GALNT17: variants seen among roughly 807,000 people sequenced by gnomAD.
GALNT17 encodes polypeptide N-acetylgalactosaminyltransferase 17, also known as UDP-GalNAc:polypeptide N-acetylgalactosaminyltransferase-like 3.
In GALNT17, 29 loss-of-function variants were observed where a neutral mutation model predicts 63.7. The observed-to-expected ratio is 0.46, with a 90% confidence interval of 0.34 to 0.62. The LOEUF is 0.62. Ranked by LOEUF, GALNT17 falls within the 20% of genes least tolerant of loss-of-function variation. The pLI is 0.01. For missense variants in GALNT17, 603 were observed against 799.6 expected, an observed-to-expected ratio of 0.75 and a Z score of 2.97; for synonymous variants, 305 against 318.3, an observed-to-expected ratio of 0.96 and a Z score of 0.45.
intron 1 of GALNT17, among the ~76,000 whole-genome samples, chr7:71,208,770 A>G (rs924090375): frequency 1.1e-4 from 17 of 152,144 alleles, no homozygotes; most frequent in African/African-American, 4.1e-4. Context: ...TTCTAAAATC[A>G]TATAATGTAT....
chr7:71,223,104 G>C (rs1220832381), intron 1 of GALNT17, among the ~76,000 whole-genome samples: 2 of 152,086 alleles, frequency 1.3e-5, no homozygotes, highest in African/African-American at 4.8e-5. Flanking sequence ...GTTTCTTTCA[G>C]GTTTTTCCTG....
chr7:71,698,270 T>A (rs958804036), intron 9 of GALNT17, among the ~76,000 whole-genome samples: 6 of 152,156 alleles, frequency 3.9e-5, no homozygotes, highest in African/African-American at 1.4e-4. Context: ...CAAAGGAACT[T>A]CTAAAGAATG....
chr7:71,153,979 C>CT (rs1788182738), intron 1 of GALNT17, among the ~76,000 whole-genome samples: 1 of 152,142 alleles, frequency 6.6e-6, no homozygotes, highest in African/African-American at 2.4e-5. Context: ...AAATTTGACA[C>CT]TTTCCCCATC....
At chr7:71,425,966 C>T (rs1292111336) in intron 5 of GALNT17, among the ~76,000 whole-genome samples, 2 of 152,066 alleles carry the variant, frequency 1.3e-5, no homozygotes, top group African/African-American at 4.8e-5. Context: ...TATTACATGG[C>T]CAGAGTAGGA....
In GALNT17 at chr7:71,196,966, A is replaced by T. The variant is rs927379879; in HGVS notation, c.238+63926A>T. On this transcript the variant is annotated intron_variant, in intron 1 of 10. Coordinates refer to ENST00000333538, the MANE Select transcript of GALNT17 (RefSeq NM_022479.3). ...ACTATGCCCCGCCAATTTTTTTTTA[A>T]AAAATTTATTTTTAATTTTTGTGGA... 7.0e-5 allele frequency among the ~76,000 whole-genome samples: 10 copies of T among 142,988 alleles called. 2 individuals are homozygous for T. Among genetic ancestry groups the T allele is most frequent in the African/African-American group, 2.6e-4 (10 of 38,128 alleles). The allele number at this position is 142,988 out of a possible 152,430, so 93.8% of individuals were successfully genotyped here.
In GALNT17 at chr7:71,647,229, A is replaced by ATTTTTTTTTTTTTTTTTTTTTTTTTT. The variant is rs5884850; in HGVS notation, c.1081-18171_1081-18170insTTTTTTTTTTTTTTTTTTTTTTTTTT. Among the ~76,000 whole-genome samples the ATTTTTTTTTTTTTTTTTTTTTTTTTT allele has an allele frequency of 3.6e-5, 5 of 137,510 alleles. 1 individual carries two copies. The highest frequency in any genetic ancestry group is 1.6e-4 in the African/African-American group (5 of 32,118). 90.2% of individuals were successfully genotyped at this position (137,510 alleles called of 152,430 possible). A position where few individuals can be genotyped will look rare whatever the true frequency, so the allele number is the denominator to read the frequency against. Reference sequence around the variant, plus strand: ...CAGGTGCCCACCACTGTGCCCAGCTATTTTTTTTTTTGTATTTTTAGTAGA... The same window carrying ATTTTTTTTTTTTTTTTTTTTTTTTTT: ...CAGGTGCCCACCACTGTGCCCAGCTATTTTTTTTTTTTTTTTTTTTTTTTTTTTTTTTTTTTTGTATTTTTAGTAGA... On this transcript the variant is annotated intron_variant, in intron 6 of 10. Transcript: ENST00000333538.
rs188282305 is a variant in GALNT17 at position 71,294,862 on chromosome 7, C to T, written c.239-40688C>T. 2.1e-4 allele frequency among the ~76,000 whole-genome samples: 32 copies of T among 152,274 alleles called. 1 individual carries two copies. In the East Asian group the frequency reaches 6.0e-3, roughly 28 times the overall value. On this transcript the variant is annotated intron_variant, in intron 1 of 10. Coordinates refer to ENST00000333538, the MANE Select transcript of GALNT17 (RefSeq NM_022479.3). ...AAGAGTTGTTTTGTTCATTTGCCCCCCTTTTCCAAGAATTTTGCATTATAT... is the reference window on the plus strand; with the variant it reads ...AAGAGTTGTTTTGTTCATTTGCCCCTCTTTTCCAAGAATTTTGCATTATAT...
Position 71,289,996 on chromosome 7 carries a change from C to T in GALNT17, c.239-45554C>T, listed in dbSNP as rs1402663362. 2.6e-5 allele frequency among the ~76,000 whole-genome samples: 4 copies of T among 151,998 alleles called. No individual in the cohort carries two copies. The East Asian group carries it at 7.7e-4, about 29-fold the overall frequency. On this transcript the variant is annotated intron_variant, in intron 1 of 10. Coordinates refer to ENST00000333538, the MANE Select transcript of GALNT17 (RefSeq NM_022479.3). The stretch of plus-strand genomic sequence containing the variant: ...TGAGGCGGAGGTTGCAGTGAGCTGA[C>T]ATAGCGCCACTGCACTCCAGCATGG...
chr7:71,137,374 C>G (rs1006281748), intron 1 of GALNT17, among the ~76,000 whole-genome samples: 1 of 151,416 alleles, frequency 6.6e-6, no homozygotes, highest in South Asian at 2.1e-4. Flanking sequence ...CTCCTGACCT[C>G]GTGATCCACC....
chr7:71,701,209 G>C (rs151309449), intron 9 of GALNT17, among the ~76,000 whole-genome samples: 2 of 152,218 alleles, frequency 1.3e-5, no homozygotes, highest in African/African-American at 4.8e-5. Flanking sequence ...ACATTTGGCC[G>C]GTCACGATGG....
At chr7:71,258,433 T>G (rs1263935738) in intron 1 of GALNT17, among the ~76,000 whole-genome samples, 2 of 152,192 alleles carry the variant, frequency 1.3e-5, no homozygotes, top group Non-Finnish European at 1.5e-5. Context: ...ATAATGCAGG[T>G]TACAAGTCAG....
At chr7:71,422,882 A>G (rs1786691715) in intron 5 of GALNT17, among the ~76,000 whole-genome samples, 1 of 152,150 alleles carries the variant, frequency 6.6e-6, no homozygotes, top group African/African-American at 2.4e-5. Flanking sequence ...GGTAGCTCTC[A>G]ATGAGATGGA....
intron 1 of GALNT17, among the ~76,000 whole-genome samples, chr7:71,133,717 A>G (rs1402673883): frequency 1.3e-5 from 2 of 152,116 alleles, no homozygotes; most frequent in Non-Finnish European, 1.5e-5. Flanking sequence ...CAGTTGTCTG[A>G]ATCTGTCCCA....
At chr7:71,134,847 T>TG (rs1256067655) in intron 1 of GALNT17, among the ~76,000 whole-genome samples, 6 of 119,754 alleles carry the variant, frequency 5.0e-5, no homozygotes, top group Non-Finnish European at 1.1e-4. Context: ...TTTTTTTTTT[T>TG]TTTTTTTTTT....
intron 5 of GALNT17, among the ~76,000 whole-genome samples, chr7:71,539,341 T>C (rs939810579): frequency 6.6e-6 from 1 of 152,072 alleles, no homozygotes; most frequent in African/African-American, 2.4e-5. Flanking sequence ...ATGATAAAAA[T>C]AGAAATGTGT....
At chr7:71,145,681 A>C (rs1329196241) in intron 1 of GALNT17, among the ~76,000 whole-genome samples, 1 of 152,056 alleles carries the variant, frequency 6.6e-6, no homozygotes, top group Non-Finnish European at 1.5e-5. Context: ...GATTAATTTT[A>C]TAAAGTTCAT....
intron 5 of GALNT17, among the ~76,000 whole-genome samples, chr7:71,474,952 G>A (rs1486487351): frequency 6.6e-6 from 1 of 152,128 alleles, no homozygotes; most frequent in Non-Finnish European, 1.5e-5. Context: ...TGACCACAGA[G>A]ACAGAGACTG....
intron 5 of GALNT17, among the ~76,000 whole-genome samples, chr7:71,471,669 A>T (rs1484760482): frequency 2.6e-5 from 4 of 152,016 alleles, no homozygotes; most frequent in Admixed American, 1.3e-4. Flanking sequence ...TAGCTTTTTC[A>T]GTCTGAATTC....
rs538596705 is a variant in GALNT17, at chr7:71,712,746, C to T, written c.*600C>T. Reference sequence around the variant, plus strand: ...ACTGCAGCTCTGGACTTTTCTGGCCCCTCCTGAGATGACCTGATGGAGCTG... The same window carrying T: ...ACTGCAGCTCTGGACTTTTCTGGCCTCTCCTGAGATGACCTGATGGAGCTG... On this transcript the variant is annotated 3_prime_UTR_variant, in exon 11 of 11. Transcript: ENST00000333538. The T allele has an allele frequency of 6.5e-6, 1 of 153,070 alleles. No homozygotes were observed. The highest frequency in any genetic ancestry group is 2.1e-4 in the South Asian group (1 of 4,836). The allele number at this position is 153,070 out of a possible 1,614,324, so 9.5% of individuals were successfully genotyped here.
Sources: allele counts gnomAD v4.1 joint callset (sites outside exome capture counted in the v4.1 genomes callset), GRCh38; gene constraint gnomAD v4.1.1; transcripts MANE v1.5; gene names NCBI Gene and HGNC (gene_info 2026-07-23, HGNC 2026-07-21).